ASXL2: variants seen among roughly 807,000 people sequenced by gnomAD.
ASXL2 encodes ASXL transcriptional regulator 2, also known as putative Polycomb group protein ASXL2.
In ASXL2, 23 loss-of-function variants were observed where a neutral mutation model predicts 122.0. The observed-to-expected ratio is 0.19, with a 90% CI of 0.14 to 0.27. The LOEUF (loss-of-function observed/expected upper bound fraction) is 0.27. ASXL2 is among the 10% of genes least tolerant of loss of function. The pLI, the probability that ASXL2 is intolerant of heterozygous loss-of-function variation, is 1.00. For synonymous variants in ASXL2, 650 were observed against 637.0 expected, an observed-to-expected ratio of 1.02 and a Z score of -0.31; for missense variants, 1,518 against 1,713.8, an observed-to-expected ratio of 0.89 and a Z score of 2.02.
intron 4 of ASXL2, among the ~76,000 whole-genome samples, chr2:25,802,689 G>C (rs1381222820): frequency 6.6e-6 from 1 of 152,196 alleles, no homozygotes; most frequent in Non-Finnish European, 1.5e-5. Context: ...TATGTGACTA[G>C]AGGGTTGGAA....
At chr2:25,796,911 A>G (rs1379895023) in intron 5 of ASXL2, among the ~76,000 whole-genome samples, 1 of 152,224 alleles carries the variant, frequency 6.6e-6, no homozygotes, top group African/African-American at 2.4e-5. Context: ...AAATCCAGAT[A>G]CAGGTCTCAC....
At chr2:25,818,925 A>C (rs1002963672) in intron 3 of ASXL2, among the ~76,000 whole-genome samples, 5 of 152,184 alleles carry the variant, frequency 3.3e-5, no homozygotes, top group African/African-American at 1.2e-4. Flanking sequence ...ACAAAGGTAA[A>C]GGGTCTCACA....
At chr2:25,859,104 CA>C (rs2089816872) in intron 1 of ASXL2, among the ~76,000 whole-genome samples, 1 of 151,872 alleles carries the variant, frequency 6.6e-6, no homozygotes, top group African/African-American at 2.4e-5. Flanking sequence ...TGTGAGCCAC[CA>C]CGCCTGGCCT....
intron 11 of ASXL2, among the ~76,000 whole-genome samples, chr2:25,752,752 C>T (rs920617348): frequency 2.6e-5 from 4 of 151,198 alleles, no homozygotes; most frequent in African/African-American, 9.7e-5. Context: ...GAGGCTGAGG[C>T]AGAATTGCTT....
rs2087865779 is a variant in ASXL2, at chr2:25,743,157, T to G, written c.3180A>C (p.Lys1060Asn). ...TCTGAAGGATCTGATCTTGGGTTGC[T>G]TTACTTAGTCCTTCGTGGTATTGGT... ...DTHQYHEGLS[K>N]ATQDQILQTL... Residue 1060 changes from lysine to asparagine, a missense_variant, in exon 13 of 13, where the codon AAA becomes AAC. Transcript: ENST00000435504. 6.2e-7 allele frequency: 1 copy of G among 1,613,886 alleles called. No individual in the cohort carries two copies. The highest frequency in any genetic ancestry group is 8.5e-7 in the Non-Finnish European group (1 of 1,179,904).
At chr2:25,843,732 T>C (rs1204596315) in intron 2 of ASXL2, among the ~76,000 whole-genome samples, 2 of 145,776 alleles carry the variant, frequency 1.4e-5, no homozygotes, top group Non-Finnish European at 3.0e-5. Flanking sequence ...AGGCCAGGAG[T>C]TGAAGGCTGC....
At chr2:25,769,839 A>G (rs1215101280) in intron 6 of ASXL2, among the ~76,000 whole-genome samples, 2 of 152,186 alleles carry the variant, frequency 1.3e-5, no homozygotes, top group East Asian at 1.9e-4. Flanking sequence ...CCTGCTTAAC[A>G]TTTCACACGT....
chr2:25,861,459 T>C (rs1378788698), intron 1 of ASXL2, among the ~76,000 whole-genome samples: 1 of 152,192 alleles, frequency 6.6e-6, no homozygotes, highest in Non-Finnish European at 1.5e-5. Flanking sequence ...TCAAAGAAAC[T>C]GAATTAATCA....
chr2:25,877,641 G>A (rs1292724500), intron 1 of ASXL2, among the ~76,000 whole-genome samples: 1 of 152,096 alleles, frequency 6.6e-6, no homozygotes, highest in Non-Finnish European at 1.5e-5. Flanking sequence ...AAAAACAAAA[G>A]CCTCGTGATC....
intron 1 of ASXL2, chr2:25,856,562 C>A: frequency 8.7e-7 from 1 of 1,149,014 alleles, no homozygotes; most frequent in Non-Finnish European, 1.3e-6. Flanking sequence ...TCGCCAGACG[C>A]TCCAAGGGGT....
intron 12 of ASXL2, among the ~76,000 whole-genome samples, chr2:25,748,266 A>G (rs1256064863): frequency 1.3e-5 from 2 of 151,988 alleles, no homozygotes; most frequent in African/African-American, 4.8e-5. Flanking sequence ...TGGGAGGCAG[A>G]GGAGGGCAGA....
At chr2:25,771,320 A>G in intron 6 of ASXL2, 120 bp downstream of exon 6, 3 of 785,296 alleles carry the variant, frequency 3.8e-6, no homozygotes, top group Non-Finnish European at 6.0e-6. Flanking sequence ...CTACTGCATG[A>G]AAGTTCCACT....
chr2:25,831,002 GA>G (rs1298979456), intron 3 of ASXL2: 1 of 152,176 alleles, frequency 6.6e-6, no homozygotes, highest in Non-Finnish European at 1.5e-5. Context: ...AAAGAAAAGA[GA>G]AAGAGAGTAG....
At chr2:25,843,631 T>C (rs2089613453) in intron 2 of ASXL2, among the ~76,000 whole-genome samples, 1 of 150,608 alleles carries the variant, frequency 6.6e-6, no homozygotes. Context: ...GGAGAGCAAA[T>C]AAAAAAACTC....
chr2:25,855,882 C>CATGCATTTATTTATTT (rs1553706137), intron 1 of ASXL2, among the ~76,000 whole-genome samples: 6 of 142,464 alleles, frequency 4.2e-5, no homozygotes, highest in African/African-American at 1.6e-4. Context: ...CTTGATAATG[C>CATGCATTTATTTATTT]ATTTATTTAT....
chr2:25,830,877 T>C (rs1013892445), intron 3 of ASXL2: 25 of 152,088 alleles, frequency 1.6e-4, no homozygotes, highest in African/African-American at 6.0e-4. Context: ...AACAGGTCAA[T>C]ACAATTTACT....
chr2:25,877,803 G>A (rs1285658251), intron 1 of ASXL2, among the ~76,000 whole-genome samples: 4 of 152,162 alleles, frequency 2.6e-5, no homozygotes, highest in African/African-American at 7.2e-5. Flanking sequence ...TCCAATGGGG[G>A]CTCTCCAGCC....
At chr2:25,773,243 T>C (rs1320469267) in intron 5 of ASXL2, among the ~76,000 whole-genome samples, 1 of 151,756 alleles carries the variant, frequency 6.6e-6, no homozygotes, top group Non-Finnish European at 1.5e-5. Flanking sequence ...TCGTCATACT[T>C]AGTTTAGTTC....
chr2:25,811,053 A>T (rs1309860973), intron 3 of ASXL2, among the ~76,000 whole-genome samples: 1 of 54,150 alleles, frequency 1.8e-5, no homozygotes, highest in East Asian at 2.9e-4. Flanking sequence ...AAAATACAAA[A>T]ATACACACAC....
Sources: allele counts gnomAD v4.1 joint callset (sites outside exome capture counted in the v4.1 genomes callset), GRCh38; gene constraint gnomAD v4.1.1; transcripts MANE v1.5; gene names NCBI Gene and HGNC (gene_info 2026-07-23, HGNC 2026-07-21).